NDRG3: variants seen among roughly 807,000 people sequenced by gnomAD.
NDRG3 encodes protein NDRG3.
A neutral mutation model predicts 57.2 loss-of-function variants in NDRG3; 23 were observed. That is an observed-to-expected ratio of 0.40 (90% CI 0.29 to 0.57). The LOEUF is 0.57. NDRG3 is among the 20% of genes least tolerant of loss of function. The pLI, the probability that NDRG3 is intolerant of heterozygous loss-of-function variation, is 0.42. For synonymous variants in NDRG3, 132 were observed against 162.6 expected, an observed-to-expected ratio of 0.81 and a Z score of 1.43; for missense variants, 384 against 457.3, an observed-to-expected ratio of 0.84 and a Z score of 1.46.
At chr20:36,714,741 G>C (rs1256607031) in intron 2 of NDRG3, among the ~76,000 whole-genome samples, 1 of 151,336 alleles carries the variant, frequency 6.6e-6, no homozygotes, top group Non-Finnish European at 1.5e-5. Flanking sequence ...AGCCTCCCAA[G>C]TAGCTGGGAC....
At chr20:36,678,193 A>G (rs975662826) in intron 8 of NDRG3, among the ~76,000 whole-genome samples, 7 of 152,198 alleles carry the variant, frequency 4.6e-5, no homozygotes, top group African/African-American at 9.6e-5. Flanking sequence ...CATTTCATTC[A>G]GTAAGAATAA....
chr20:36,727,785 C>A (rs1405880414), intron 1 of NDRG3, among the ~76,000 whole-genome samples: 1 of 152,040 alleles, frequency 6.6e-6, no homozygotes, highest in East Asian at 1.9e-4. Context: ...TCGTGATCTG[C>A]CCTCCTCAGC....
chr20:36,698,906 A>C (rs1453283057), intron 3 of NDRG3, among the ~76,000 whole-genome samples: 2 of 152,064 alleles, frequency 1.3e-5, no homozygotes, highest in East Asian at 3.8e-4. Flanking sequence ...AACACTATAG[A>C]TTCTGTTTAT....
chr20:36,682,885 G>A (rs1981434169), intron 6 of NDRG3, among the ~76,000 whole-genome samples: 2 of 151,164 alleles, frequency 1.3e-5, no homozygotes, highest in South Asian at 4.2e-4. Flanking sequence ...GGCCAACATG[G>A]TGAAACCCCG....
At chr20:36,732,918 G>C (rs1453483815) in intron 1 of NDRG3, among the ~76,000 whole-genome samples, 1 of 151,728 alleles carries the variant, frequency 6.6e-6, no homozygotes, top group African/African-American at 2.4e-5. Flanking sequence ...AGGCCAAGGA[G>C]GGTGGATTGC....
chr20:36,669,611 T>C (rs1014058864), intron 9 of NDRG3, among the ~76,000 whole-genome samples: 3 of 152,188 alleles, frequency 2.0e-5, no homozygotes, highest in Non-Finnish European at 4.4e-5. Context: ...GTGATCCACC[T>C]GCCTTGGCCT....
chr20:36,679,389 A>C (rs1255915210), intron 8 of NDRG3, among the ~76,000 whole-genome samples: 1 of 152,266 alleles, frequency 6.6e-6, no homozygotes, highest in Non-Finnish European at 1.5e-5. Flanking sequence ...ACTGAAAGAC[A>C]TAAGGAATAT....
intron 8 of NDRG3, among the ~76,000 whole-genome samples, chr20:36,671,654 T>C (rs554512009): frequency 5.5e-4 from 84 of 151,870 alleles, no homozygotes; most frequent in Admixed American, 9.2e-4. Flanking sequence ...TACAAAAAAT[T>C]AGCCAGGTGT....
chr20:36,673,543 A>T (rs537661315), intron 8 of NDRG3, among the ~76,000 whole-genome samples: 2 of 152,010 alleles, frequency 1.3e-5, no homozygotes, highest in South Asian at 4.2e-4. Flanking sequence ...GTAGCTGGGA[A>T]CACAGGCGTG....
intron 11 of NDRG3, 47 bp downstream of exon 11, chr20:36,665,189 A>G: frequency 1.2e-6 from 2 of 1,608,804 alleles, no homozygotes; most frequent in Non-Finnish European, 1.7e-6. Context: ...ATGAACACCA[A>G]ATTAGTCTAT....
intron 3 of NDRG3, among the ~76,000 whole-genome samples, chr20:36,695,545 G>T (rs1982706604): frequency 6.6e-6 from 1 of 152,188 alleles, no homozygotes; most frequent in African/African-American, 2.4e-5. Flanking sequence ...CTCTAAAATG[G>T]CCGCTGTGGG....
chr20:36,707,006 T>C lies in NDRG3; in HGVS notation c.59A>G (p.Asn20Ser). Residue 20 changes from asparagine to serine, a missense_variant and splice_region_variant, in exon 3 of 16, where the codon AAT becomes AGT. Coordinates refer to ENST00000349004, the MANE Select transcript of NDRG3 (RefSeq NM_032013.4). ...TEIKPLLNDKNGTRNFQDFDC... is the reference protein window; with the variant it reads ...TEIKPLLNDKSGTRNFQDFDC... The stretch of plus-strand genomic sequence containing the variant: ...AAAGTCCTGGAAGTTTCTTGTACCA[T>C]TCTGTCAACAGAAGACAGAAAACAC... 1.2e-6 allele frequency: 2 copies of C among 1,613,508 alleles called. No homozygotes were observed. The highest frequency in any genetic ancestry group is 1.7e-6 in the Non-Finnish European group (2 of 1,179,502).
intron 3 of NDRG3, among the ~76,000 whole-genome samples, chr20:36,700,131 A>T (rs1013720205): frequency 6.6e-6 from 1 of 151,724 alleles, no homozygotes; most frequent in African/African-American, 2.4e-5. Flanking sequence ...AAAAAAAAAA[A>T]AAAGTAGATG....
intron 3 of NDRG3, among the ~76,000 whole-genome samples, chr20:36,694,689 T>C (rs1982624524): frequency 6.6e-6 from 1 of 152,254 alleles, no homozygotes; most frequent in Admixed American, 6.5e-5. Context: ...ACAACATCTC[T>C]ACACAGTTTT....
At chr20:36,687,794 T>C (rs1981919767) in intron 4 of NDRG3, among the ~76,000 whole-genome samples, 182 bp from the exon 5 acceptor site, 1 of 152,218 alleles carries the variant, frequency 6.6e-6, no homozygotes, top group African/African-American at 2.4e-5. Flanking sequence ...AGACATCTCA[T>C]ATTGAGATAC....
intron 1 of NDRG3, among the ~76,000 whole-genome samples, chr20:36,738,000 G>A (rs1270689467): frequency 6.6e-6 from 1 of 151,180 alleles, no homozygotes; most frequent in Non-Finnish European, 1.5e-5. Flanking sequence ...GGGGGTGGAG[G>A]TTGCAGTGAG....
intron 1 of NDRG3, among the ~76,000 whole-genome samples, chr20:36,741,850 C>A (rs1985943744): frequency 1.3e-5 from 2 of 152,128 alleles, no homozygotes; most frequent in Non-Finnish European, 2.9e-5. Context: ...AGGTCGAGCC[C>A]AGGAATATGG....
At chr20:36,677,531 A>G (rs1344333012) in intron 8 of NDRG3, among the ~76,000 whole-genome samples, 1 of 152,184 alleles carries the variant, frequency 6.6e-6, no homozygotes, top group East Asian at 1.9e-4. Flanking sequence ...AGGTAGAGAC[A>G]CTGGACAACC....
intron 3 of NDRG3, among the ~76,000 whole-genome samples, chr20:36,698,207 C>T (rs1348277048): frequency 6.6e-6 from 1 of 151,784 alleles, no homozygotes; most frequent in Admixed American, 6.6e-5. Flanking sequence ...ACTCAGGTGA[C>T]CTGGCTGCCT....
Sources: gnomAD v4.1 joint callset for allele counts (sites outside exome capture counted in the v4.1 genomes callset) on GRCh38, gnomAD v4.1.1 for gene constraint, MANE v1.5 for transcripts, NCBI Gene and HGNC (gene_info 2026-07-23, HGNC 2026-07-21) for gene names.